The following LRBA variants were observed in gnomAD, a reference collection of about 807,000 sequenced individuals.
LRBA encodes lipopolysaccharide-responsive and beige-like anchor protein.
A neutral mutation model predicts 330.0 loss-of-function variants in LRBA; 176 were observed. The ratio of observed to expected loss-of-function variants is 0.53; its 90% CI spans 0.47 to 0.60. The LOEUF is 0.60. Among genes scored for constraint, LRBA ranks in the 20% least tolerant of loss-of-function variants. LRBA has a pLI of 0.00. For synonymous variants in LRBA, 1,230 were observed against 1,193.0 expected, an observed-to-expected ratio of 1.03 and a Z score of -0.64; for missense variants, 3,259 against 3,444.8, an observed-to-expected ratio of 0.95 and a Z score of 1.35.
chr4:150,793,868 T>G (rs1268820769), intron 34 of LRBA, among the ~76,000 whole-genome samples: 1 of 152,186 alleles, frequency 6.6e-6, no homozygotes, highest in Non-Finnish European at 1.5e-5. Flanking sequence ...CCAGAAATAC[T>G]TTAATGGACA....
At chr4:150,440,733 C>T (rs1235119847) in intron 44 of LRBA, among the ~76,000 whole-genome samples, 1 of 152,016 alleles carries the variant, frequency 6.6e-6, no homozygotes, top group Non-Finnish European at 1.5e-5. Flanking sequence ...TGTACTCAGC[C>T]TGGGTGACAG....
intron 46 of LRBA, among the ~76,000 whole-genome samples, chr4:150,426,507 C>G (rs1749631500): frequency 6.6e-6 from 1 of 151,900 alleles, no homozygotes; most frequent in South Asian, 2.1e-4. Context: ...GACCCTTACT[C>G]ACCTCAATTG....
chr4:150,403,416 C>A (rs1745762976), intron 47 of LRBA, among the ~76,000 whole-genome samples: 2 of 152,208 alleles, frequency 1.3e-5, no homozygotes, highest in South Asian at 4.2e-4. Context: ...TGACTACCAG[C>A]TGTAACTGGC....
chr4:150,977,474 G>A (rs1021484473), intron 2 of LRBA, among the ~76,000 whole-genome samples: 8 of 152,162 alleles, frequency 5.3e-5, no homozygotes, highest in African/African-American at 1.9e-4. Context: ...AAGAGCCCTT[G>A]GACCCTGCAG....
intron 42 of LRBA, among the ~76,000 whole-genome samples, chr4:150,480,043 CTG>C (rs1474009175): frequency 6.6e-6 from 1 of 152,178 alleles, no homozygotes; most frequent in African/African-American, 2.4e-5. Flanking sequence ...TAAAAGTAAA[CTG>C]TACGTTTCCA....
chr4:150,311,839 G>A (rs933167136), intron 51 of LRBA, among the ~76,000 whole-genome samples: 21 of 152,134 alleles, frequency 1.4e-4, no homozygotes, highest in African/African-American at 4.8e-5. Context: ...ATATCATAGT[G>A]TTACTACAGA....
chr4:150,928,711 G>A (rs1734140455), intron 3 of LRBA, 95 bp from the exon 4 acceptor site: 1 of 1,246,690 alleles, frequency 8.0e-7, no homozygotes, highest in South Asian at 1.3e-5. Context: ...GGACACTAAA[G>A]TTCTAGGTGC....
At position 150,650,159 on chromosome 4, in the gene LRBA, C is replaced by T. The variant is rs145617476; in HGVS notation, c.5921+33392G>A. ...TTGCAAAGCCAGGATACACATAAAG[C>T]CAGCCTTTCTGGCTTTAAATTCTTT... On this transcript the variant is annotated intron_variant, in intron 37 of 56. Transcript: ENST00000651943. 2.0e-5 allele frequency among the ~76,000 whole-genome samples: 3 copies of T among 152,274 alleles called. No individual in the cohort carries two copies. In the East Asian group the frequency reaches 5.8e-4, roughly 29 times the overall value.
rs563432693 is a variant in LRBA at position 150,791,844 on chromosome 4, C to A, written c.5580+6237G>T. 2.0e-5 allele frequency among the ~76,000 whole-genome samples: 3 copies of A among 151,838 alleles called. No individual in the cohort carries two copies. The East Asian group carries it at 5.8e-4, about 29-fold the overall frequency. On this transcript the variant is annotated intron_variant, in intron 34 of 56. Coordinates refer to ENST00000651943, the MANE Select transcript of LRBA (RefSeq NM_001364905.1). ...GAGATCGAGACCATCCTGGCTAACA[C>A]AGTGAAACCCCGTCTCTACTAAAAA...
intron 51 of LRBA, among the ~76,000 whole-genome samples, chr4:150,313,751 T>C (rs2126892147): frequency 6.6e-6 from 1 of 151,538 alleles, no homozygotes; most frequent in South Asian, 2.1e-4. Context: ...TTTTCAGATT[T>C]TGGAATATTT....
At chr4:150,653,634 G>A (rs1245856527) in intron 37 of LRBA, among the ~76,000 whole-genome samples, 2 of 152,154 alleles carry the variant, frequency 1.3e-5, no homozygotes, top group African/African-American at 4.8e-5. Flanking sequence ...GGCCATTCCA[G>A]TAGGCAAAGC....
rs1035043159 is a variant in LRBA at position 150,775,825 on chromosome 4, A to G, written c.5581-13978T>C. 5.4e-5 allele frequency among the ~76,000 whole-genome samples: 8 copies of G among 147,116 alleles called. No homozygotes were observed. In the East Asian group the frequency reaches 1.4e-3, roughly 25 times the overall value. ...AGAATGAAAAAAAAAAAAAAAAAAAAAAGACCAGCAAGCAAGAGAGGGGAG... is the reference window on the plus strand; with the variant it reads ...AGAATGAAAAAAAAAAAAAAAAAAAGAAGACCAGCAAGCAAGAGAGGGGAG... On this transcript the variant is annotated intron_variant, in intron 34 of 56. Transcript: ENST00000651943.
At chr4:150,476,648 T>G (rs1315952258) in intron 42 of LRBA, among the ~76,000 whole-genome samples, 1 of 152,182 alleles carries the variant, frequency 6.6e-6, no homozygotes, top group Non-Finnish European at 1.5e-5. Flanking sequence ...ATGCATGTAT[T>G]AAACTCCTTG....
chr4:150,623,698 T>C (rs1400768089), intron 37 of LRBA, among the ~76,000 whole-genome samples: 1 of 152,056 alleles, frequency 6.6e-6, no homozygotes, highest in Non-Finnish European at 1.5e-5. Context: ...ACAATGAGAA[T>C]GCATTTCTAT....
intron 37 of LRBA, among the ~76,000 whole-genome samples, chr4:150,656,029 G>A (rs934696996): frequency 2.0e-5 from 3 of 152,166 alleles, no homozygotes; most frequent in Non-Finnish European, 4.4e-5. Flanking sequence ...GGGTAGGGTA[G>A]AAGATGTGTG....
rs559900585 is a variant in LRBA, at chr4:150,937,802, G to A, written c.217-8737C>T. ...AGTTTTGTATGAGGACTTTAATTGA[G>A]CATGATTATTTTTCTTCTCAATAGT... On this transcript the variant is annotated intron_variant, in intron 2 of 56. Coordinates refer to ENST00000651943, the MANE Select transcript of LRBA (RefSeq NM_001364905.1). Among the ~76,000 whole-genome samples, 5 of 152,098 alleles carry A rather than the reference G, an allele frequency of 3.3e-5. No homozygotes were observed. In the East Asian group the frequency reaches 9.7e-4, roughly 29 times the overall value.
rs559600377 is a variant in LRBA at position 150,549,458 on chromosome 4, A to C, written c.6330+38590T>G. On this transcript the variant is annotated intron_variant, in intron 40 of 56. Transcript: ENST00000651943. ...ACCATTCTCCTGCCTCAGCCTCCCG[A>C]GTAGCTGGGACTACAGGTGCCCGTC... is the stretch of plus-strand genomic sequence containing the variant. 1.9e-3 allele frequency among the ~76,000 whole-genome samples: 286 copies of C among 151,986 alleles called. 3 individuals are homozygous for C. The highest frequency in any genetic ancestry group is 6.6e-3 in the African/African-American group (274 of 41,458).
At chr4:150,773,661 C>T (rs1736880498) in intron 34 of LRBA, among the ~76,000 whole-genome samples, 1 of 152,208 alleles carries the variant, frequency 6.6e-6, no homozygotes, top group African/African-American at 2.4e-5. Flanking sequence ...AGAGGCAGTT[C>T]AGTGGCTTCC....
rs183101687 is a variant in LRBA at position 150,697,076 on chromosome 4, C to G, written c.5755-13359G>C. Among the ~76,000 whole-genome samples, 60 of 149,912 alleles carry G rather than the reference C, an allele frequency of 4.0e-4. No homozygotes were observed. In the East Asian group the frequency reaches 9.6e-3, roughly 24 times the overall value. On this transcript the variant is annotated intron_variant, in intron 36 of 56. Transcript: ENST00000651943. ...GCGCAGTGGCTCACACCTGTAATTCCAACACTTTGAGAGGCCAAGGCGGGT... is the reference window on the plus strand; with the variant it reads ...GCGCAGTGGCTCACACCTGTAATTCGAACACTTTGAGAGGCCAAGGCGGGT...
Sources: allele counts gnomAD v4.1 joint callset (sites outside exome capture counted in the v4.1 genomes callset), GRCh38; gene constraint gnomAD v4.1.1; transcripts MANE v1.5; gene names NCBI Gene and HGNC (gene_info 2026-07-23, HGNC 2026-07-21).